SLC17A6: variants seen among roughly 807,000 people sequenced by gnomAD.
SLC17A6 encodes solute carrier family 17 member 6.
A neutral mutation model predicts 67.1 loss-of-function variants in SLC17A6; 35 were observed. That is an observed-to-expected ratio of 0.52 (90% CI 0.40 to 0.69). The LOEUF is 0.69. SLC17A6 is among the 30% of genes least tolerant of loss of function. The pLI is 0.00. For synonymous variants in SLC17A6, 285 were observed against 252.3 expected, an observed-to-expected ratio of 1.13 and a Z score of -1.23; for missense variants, 588 against 723.9, an observed-to-expected ratio of 0.81 and a Z score of 2.15.
intron 8 of SLC17A6, among the ~76,000 whole-genome samples, chr11:22,373,463 AT>A (rs370116812): frequency 0.028 from 4,154 of 147,516 alleles, 144 homozygotes; most frequent in East Asian, 0.14. Context: ...AGCAATAATG[AT>A]TTTTTTTTTT....
At chr11:22,348,362 A>G (rs1855901452) in intron 3 of SLC17A6, among the ~76,000 whole-genome samples, 1 of 152,158 alleles carries the variant, frequency 6.6e-6, no homozygotes, top group African/African-American at 2.4e-5. Context: ...GGATCCTTAG[A>G]TTTTATTTTG....
rs1280252304 is a variant in SLC17A6, at chr11:22,343,160, G to A, written c.340-87G>A. 3.7e-6 allele frequency: 4 copies of A among 1,081,550 alleles called. No individual in the cohort carries two copies. The African/African-American group carries it at 6.3e-5, about 17-fold the overall frequency. 67.0% of individuals were successfully genotyped at this position (1,081,550 alleles called of 1,614,324 possible). A position where few individuals can be genotyped will look rare whatever the true frequency, so the allele number is the denominator to read the frequency against. ...ATGCATGAAGCGCCCAAGCCTTGGG[G>A]GCTTTTTGGCTTGTGAACCACTGAA... On this transcript the variant is annotated intron_variant, in intron 2 of 11. Transcript: ENST00000263160.
At chr11:22,354,505 AC>A (rs1267324988) in intron 3 of SLC17A6, among the ~76,000 whole-genome samples, 1 of 152,226 alleles carries the variant, frequency 6.6e-6, no homozygotes, top group East Asian at 1.9e-4. Flanking sequence ...CCATTTAACT[AC>A]TTACTTCAAA....
chr11:22,376,367 G>T (rs1160699728), intron 10 of SLC17A6, among the ~76,000 whole-genome samples, 178 bp from the exon 11 acceptor site: 2 of 151,908 alleles, frequency 1.3e-5, no homozygotes, highest in Non-Finnish European at 2.9e-5. Flanking sequence ...TTAAGTATTA[G>T]ATAAGAATTC....
intron 8 of SLC17A6, among the ~76,000 whole-genome samples, chr11:22,373,909 G>A (rs1425600560): frequency 6.6e-6 from 1 of 152,132 alleles, no homozygotes; most frequent in African/African-American, 2.4e-5. Context: ...TAATTGGAAA[G>A]ACATACTTAA....
At chr11:22,361,053 A>G in intron 5 of SLC17A6, 69 bp downstream of exon 5, 1 of 1,403,504 alleles carries the variant, frequency 7.1e-7, no homozygotes, top group Non-Finnish European at 9.9e-7. Context: ...AGAATTGAAA[A>G]TTTGGTAAAC....
intron 11 of SLC17A6, 89 bp downstream of exon 11, chr11:22,376,761 G>A: frequency 7.1e-7 from 1 of 1,412,634 alleles, no homozygotes; most frequent in Non-Finnish European, 9.9e-7. Flanking sequence ...ATTATCCTTA[G>A]CATTTTCTTT....
chr11:22,348,613 G>A (rs1412494807), intron 3 of SLC17A6, among the ~76,000 whole-genome samples: 1 of 152,180 alleles, frequency 6.6e-6, no homozygotes. Context: ...GAACATGACT[G>A]GGTGTAGATT....
At position 22,369,649 on chromosome 11, in the gene SLC17A6, G is replaced by A. The variant is rs146658424; in HGVS notation, c.892-390G>A. Among the ~76,000 whole-genome samples the A allele has an allele frequency of 5.5e-3, 837 of 151,530 alleles. 10 individuals carry two copies. The highest frequency in any genetic ancestry group is 0.019 in the African/African-American group (790 of 41,364). ...TCAACGTTTTAAATGAAATGTTTTG[G>A]ATATCACAAGCTCACTGATGTGGCA... is the stretch of plus-strand genomic sequence containing the variant. On this transcript the variant is annotated intron_variant, in intron 7 of 11. Coordinates refer to ENST00000263160, the MANE Select transcript of SLC17A6 (RefSeq NM_020346.3).
In SLC17A6 at chr11:22,379,368, A is replaced by G. The variant is rs900187184; in HGVS notation, c.*1628A>G. On this transcript the variant is annotated 3_prime_UTR_variant, in exon 12 of 12. Coordinates refer to ENST00000263160, the MANE Select transcript of SLC17A6 (RefSeq NM_020346.3). ...CATTCTTTACCTTAAGAAAAAAAAAATACCCTTTGCTTTGTGCCTCAAAGT... is the reference window on the plus strand; with the variant it reads ...CATTCTTTACCTTAAGAAAAAAAAAGTACCCTTTGCTTTGTGCCTCAAAGT... 1 of 152,492 alleles carries G rather than the reference A, an allele frequency of 6.6e-6. No individual in the cohort carries two copies. The highest frequency in any genetic ancestry group is 2.4e-5 in the African/African-American group (1 of 41,416). 9.4% of individuals were successfully genotyped at this position (152,492 alleles called of 1,614,324 possible).
rs576301070 is a variant in SLC17A6 at position 22,342,542 on chromosome 11, T to C, written c.340-705T>C. On this transcript the variant is annotated intron_variant, in intron 2 of 11. Transcript: ENST00000263160. ...AAAGCGCGCTCCCACCTTTCGGATG[T>C]AAATATTGAGCCCCAGTTTACCTTG... Among the ~76,000 whole-genome samples the C allele has an allele frequency of 3.3e-5, 5 of 152,202 alleles. No homozygotes were observed. The South Asian group carries it at 1.0e-3, about 32-fold the overall frequency.
In SLC17A6 at chr11:22,361,253, CTT is replaced by C. The variant is rs145330771; in HGVS notation, c.661+270_661+271del. On this transcript the variant is annotated intron_variant, in intron 5 of 11. Transcript: ENST00000263160. ...ATTCATGGGTGGTTTTTATAATACT[CTT>C]ATACTGCAGTCCATTTTTTTGAGAA... 2,679 of 289,822 alleles carry C rather than the reference CTT, an allele frequency of 9.2e-3. 80 individuals carry two copies. Among genetic ancestry groups the C allele is most frequent in the African/African-American group, 0.054 (2,481 of 46,274 alleles). 18.0% of individuals were successfully genotyped at this position (289,822 alleles called of 1,614,324 possible).
chr11:22,376,147 T>C, intron 10 of SLC17A6, 55 bp downstream of exon 10: 2 of 1,195,860 alleles, frequency 1.7e-6, no homozygotes, highest in Non-Finnish European at 2.5e-6. Context: ...TGACTGCTGA[T>C]AAAAGACACA....
chr11:22,354,077 T>C (rs967941467), intron 3 of SLC17A6, among the ~76,000 whole-genome samples: 4 of 150,064 alleles, frequency 2.7e-5, no homozygotes, highest in African/African-American at 7.3e-5. Flanking sequence ...AAACAATTTA[T>C]ATTTTTTTTC....
At chr11:22,365,947 A>G (rs1856107332) in intron 7 of SLC17A6, among the ~76,000 whole-genome samples, 1 of 152,180 alleles carries the variant, frequency 6.6e-6, no homozygotes, top group South Asian at 2.1e-4. Context: ...AACCTAAACA[A>G]TATTTTTAAA....
At chr11:22,345,573 T>G (rs937508608) in intron 3 of SLC17A6, among the ~76,000 whole-genome samples, 5 of 152,176 alleles carry the variant, frequency 3.3e-5, no homozygotes, top group African/African-American at 1.2e-4. Flanking sequence ...GGCCTTAATA[T>G]TTTCATATAT....
intron 3 of SLC17A6, among the ~76,000 whole-genome samples, chr11:22,356,668 A>G (rs1855996116): frequency 6.6e-6 from 1 of 152,090 alleles, no homozygotes; most frequent in Admixed American, 6.6e-5. Flanking sequence ...AACCCAGTGT[A>G]TACTAAAAAT....
At chr11:22,339,181 T>TATATATATGTTATA (rs1554942804) in intron 1 of SLC17A6, among the ~76,000 whole-genome samples, 3 of 82,826 alleles carry the variant, frequency 3.6e-5, no homozygotes, top group African/African-American at 1.6e-4. Flanking sequence ...TATATATGTT[T>TATATATATGTTATA]TATATATATA....
intron 3 of SLC17A6, among the ~76,000 whole-genome samples, chr11:22,350,757 G>A (rs776053198): frequency 2.0e-5 from 3 of 152,098 alleles, no homozygotes; most frequent in Non-Finnish European, 4.4e-5. Flanking sequence ...CCAATTATAA[G>A]GAGAAAGATC....
Sources: gnomAD v4.1 joint callset for allele counts (sites outside exome capture counted in the v4.1 genomes callset) on GRCh38, gnomAD v4.1.1 for gene constraint, MANE v1.5 for transcripts, NCBI Gene and HGNC (gene_info 2026-07-23, HGNC 2026-07-21) for gene names.